The following QTGAL variants were observed in gnomAD, a reference collection of about 807,000 sequenced individuals.
QTGAL encodes the protein queuosine-tRNA galactosyltransferase, also known as BGnT-like protein 1.
At chr17:82,993,106 G>GT in the QTGAL span, among the ~76,000 whole-genome samples, 1 of 152,050 alleles carries the variant, frequency 6.6e-6, no homozygotes, top group African/African-American at 2.4e-5. Context: ...AATGGCAGGA[G>GT]TAAGTCCTTA....
the QTGAL span, among the ~76,000 whole-genome samples, chr17:83,023,972 C>T: frequency 3.3e-5 from 5 of 152,238 alleles, no homozygotes; most frequent in Admixed American, 2.0e-4. Flanking sequence ...GTGGATTCTG[C>T]GCTGGTTCCT....
chr17:82,991,290 A>C, the QTGAL span, among the ~76,000 whole-genome samples: 2 of 152,194 alleles, frequency 1.3e-5, no homozygotes, highest in Non-Finnish European at 2.9e-5. Context: ...TTGTACTCCC[A>C]TAATTCCCAC....
At chr17:83,005,203 C>T in the QTGAL span, 1 of 1,605,702 alleles carries the variant, frequency 6.2e-7, no homozygotes, top group Non-Finnish European at 8.5e-7. This position sits in a 1 kb window ranked among gnomAD's most constrained non-coding sequence, Gnocchi z 5.6. Flanking sequence ...CACTCTGCAA[C>T]CAATGATCTG....
the QTGAL span, among the ~76,000 whole-genome samples, chr17:83,043,838 A>C: frequency 6.6e-6 from 1 of 152,174 alleles, no homozygotes; most frequent in Non-Finnish European, 1.5e-5. Context: ...ACAGAAACTA[A>C]AAGGATTATG....
the QTGAL span, among the ~76,000 whole-genome samples, chr17:82,973,943 G>A: frequency 6.6e-6 from 1 of 152,108 alleles, no homozygotes; most frequent in East Asian, 1.9e-4. Flanking sequence ...GTGTACCTGT[G>A]TGTTCCCACC....
At chr17:82,942,745 G>A in the QTGAL span, 1 of 521,386 alleles carries the variant, frequency 1.9e-6, no homozygotes, top group South Asian at 2.6e-5. Context: ...GTGTAGGGGT[G>A]ATGGAAAGGC....
At chr17:82,984,760 G>T in the QTGAL span, among the ~76,000 whole-genome samples, 1 of 152,134 alleles carries the variant, frequency 6.6e-6, no homozygotes, top group Non-Finnish European at 1.5e-5. Flanking sequence ...GAGCTGGGAC[G>T]GCGGGGAAGC....
chr17:83,014,252 G>C, the QTGAL span, among the ~76,000 whole-genome samples: 3 of 152,144 alleles, frequency 2.0e-5, no homozygotes, highest in Admixed American at 6.5e-5. Context: ...GAAAATAACA[G>C]GAGAAAAATC....
the QTGAL span, among the ~76,000 whole-genome samples, chr17:83,007,804 G>A: frequency 1.3e-5 from 2 of 152,214 alleles, no homozygotes; most frequent in Admixed American, 6.5e-5. Flanking sequence ...GAGGCCCGAG[G>A]CTGGCAATTC....
At chr17:82,966,782 G>A in the QTGAL span, among the ~76,000 whole-genome samples, 1 of 152,174 alleles carries the variant, frequency 6.6e-6, no homozygotes, top group African/African-American at 2.4e-5. Flanking sequence ...AGGTTTCTCA[G>A]GTAAGAAGAG....
the QTGAL span, chr17:82,942,724 G>A: frequency 1.0e-5 from 6 of 586,678 alleles, no homozygotes; most frequent in African/African-American, 9.3e-5. Flanking sequence ...TTTTGTCTCT[G>A]AGCCTGATGT....
chr17:83,021,476 A>C, the QTGAL span, among the ~76,000 whole-genome samples: 1 of 152,226 alleles, frequency 6.6e-6, no homozygotes, highest in Non-Finnish European at 1.5e-5. Flanking sequence ...AATGTTGAAG[A>C]CCCATACCCT....
At chr17:82,942,307 G>A in the QTGAL span, 33 of 1,199,870 alleles carry the variant, frequency 2.8e-5, no homozygotes, top group South Asian at 2.3e-4. Context: ...TCAGGCTGCC[G>A]GGTGTGTGGG....
chr17:82,948,550 C>A, the QTGAL span: 1 of 152,236 alleles, frequency 6.6e-6, no homozygotes, highest in African/African-American at 2.4e-5. Flanking sequence ...ACGCACACAC[C>A]CCAAACACGT....
chr17:83,011,024 G>C, the QTGAL span, among the ~76,000 whole-genome samples: 1 of 152,268 alleles, frequency 6.6e-6, no homozygotes, highest in Non-Finnish European at 1.5e-5. Flanking sequence ...ACAGAGATCA[G>C]CTCTGGAAAG....
the QTGAL span, among the ~76,000 whole-genome samples, chr17:83,001,618 G>C: frequency 6.6e-6 from 1 of 152,058 alleles, no homozygotes; most frequent in Admixed American, 6.6e-5. Context: ...GGTGGGGGAC[G>C]GGAGCCCCTC....
chr17:82,965,025 G>T, the QTGAL span, among the ~76,000 whole-genome samples: 1 of 146,778 alleles, frequency 6.8e-6, no homozygotes, highest in South Asian at 2.2e-4. Flanking sequence ...ACACCTGCAG[G>T]TGCACACCCA....
At chr17:82,946,968 C>T in the QTGAL span, 326,449 of 1,563,012 alleles carry the variant, frequency 0.21, 35,509 homozygotes, top group Admixed American at 0.25. Context: ...TCCTCAAAGG[C>T]GCCCCCTGTG....
the QTGAL span, chr17:82,957,372 C>T: frequency 6.2e-7 from 1 of 1,613,052 alleles, no homozygotes; most frequent in Non-Finnish European, 8.5e-7. Context: ...GCGCTGGCTG[C>T]CGGCAGTCAA....
Sources: gnomAD v4.1 joint callset for allele counts (sites outside exome capture counted in the v4.1 genomes callset) on GRCh38, gnomAD v4.1.1 for gene constraint, Gnocchi (gnomAD v3.1) non-coding constraint, MANE v1.5 for transcripts, NCBI Gene and HGNC (gene_info 2026-07-23, HGNC 2026-07-21) for gene names.